RALYL: variants seen among roughly 807,000 people sequenced by gnomAD.
The protein encoded by RALYL is RNA-binding Raly-like protein.
Under a neutral mutation model 35.1 loss-of-function variants are expected in RALYL, and 29 were observed. That is an observed-to-expected ratio of 0.83 (90% CI 0.61 to 1.13). The LOEUF (loss-of-function observed/expected upper bound fraction) is 1.13, where lower values mean the gene tolerates loss of function less well. Ranked by LOEUF, RALYL falls within the 50% of genes most tolerant of loss-of-function variation. RALYL has a pLI of 0.00. For synonymous variants in RALYL, 120 were observed against 127.6 expected, an observed-to-expected ratio of 0.94 and a Z score of 0.40; for missense variants, 359 against 360.4, an observed-to-expected ratio of 1.00 and a Z score of 0.03.
chr8:84,621,149 C>T (rs1048191900), intron 2 of RALYL, among the ~76,000 whole-genome samples: 6 of 152,320 alleles, frequency 3.9e-5, no homozygotes, highest in South Asian at 2.1e-4. Context: ...CTCTGTTTAC[C>T]TAAGCACGCC....
intron 2 of RALYL, among the ~76,000 whole-genome samples, chr8:84,666,866 G>T (rs907470990): frequency 6.6e-6 from 1 of 152,192 alleles, no homozygotes; most frequent in Middle Eastern, 3.4e-3. Context: ...CATTCAGTGA[G>T]CACCTATTAT....
intron 4 of RALYL, among the ~76,000 whole-genome samples, chr8:84,827,747 T>C (rs1164114364): frequency 6.6e-6 from 1 of 152,082 alleles, no homozygotes; most frequent in African/African-American, 2.4e-5. Context: ...ATGAAAATGT[T>C]ATTCAGAAGA....
At chr8:84,309,872 C>G (rs1842444304) in intron 1 of RALYL, among the ~76,000 whole-genome samples, 1 of 152,044 alleles carries the variant, frequency 6.6e-6, no homozygotes, top group Non-Finnish European at 1.5e-5. Flanking sequence ...ACTGCAACCC[C>G]CGCCACCACG....
chr8:84,679,839 C>A, intron 2 of RALYL: 1 of 384,670 alleles, frequency 2.6e-6, no homozygotes, highest in African/African-American at 2.1e-5. Flanking sequence ...AGACTCACAT[C>A]TTTATTTTTT....
intron 2 of RALYL, among the ~76,000 whole-genome samples, chr8:84,552,709 T>C (rs2060830284): frequency 6.6e-6 from 1 of 151,790 alleles, no homozygotes; most frequent in African/African-American, 2.4e-5. Context: ...GTTTCCTAAT[T>C]AGACCCCTTT....
Position 84,627,531 on chromosome 8 carries a change from TCTTTCTTCCTGCAGAAGAAAGAAACA to T in RALYL, c.256+97966_256+97991del, listed in dbSNP as rs545634896. Among the ~76,000 whole-genome samples the T allele has an allele frequency of 2.8e-4, 42 of 150,656 alleles. No individual in the cohort carries two copies. In the South Asian group the frequency reaches 6.8e-3, roughly 24 times the overall value. ...GGGTCTCTTTAATACATACAGCATT[TCTTTCTTCCTGCAGAAGAAAGAAACA>T]CTTTCTTCCTGTGTTCTCCTAGATT... is the stretch of plus-strand genomic sequence containing the variant. On this transcript the variant is annotated intron_variant, in intron 2 of 8. Transcript: ENST00000521268.
intron 1 of RALYL, among the ~76,000 whole-genome samples, chr8:84,413,258 T>C (rs2044277725): frequency 1.3e-5 from 2 of 151,602 alleles, no homozygotes; most frequent in Non-Finnish European, 3.0e-5. Context: ...TTTTTAAAGC[T>C]TTAATATTTT....
chr8:84,485,936 A>C (rs2054563865), intron 1 of RALYL, among the ~76,000 whole-genome samples: 1 of 151,844 alleles, frequency 6.6e-6, no homozygotes, highest in Non-Finnish European at 1.5e-5. Context: ...GATTCTCAAG[A>C]AAGTTGCCAG....
chr8:84,262,171 ATTAATT>A (rs1233598636), intron 1 of RALYL, among the ~76,000 whole-genome samples: 3 of 152,152 alleles, frequency 2.0e-5, no homozygotes, highest in African/African-American at 7.2e-5. Flanking sequence ...GGTAGATGTT[ATTAATT>A]TTAGTGTTTA....
intron 1 of RALYL, among the ~76,000 whole-genome samples, chr8:84,384,210 GA>G (rs2131644814): frequency 6.6e-6 from 1 of 151,666 alleles, no homozygotes; most frequent in African/African-American, 2.4e-5. Flanking sequence ...TTAAAATGGG[GA>G]TAACACTTGC....
chr8:84,506,931 CA>C (rs1175892096), intron 1 of RALYL, among the ~76,000 whole-genome samples: 1 of 152,030 alleles, frequency 6.6e-6, no homozygotes, highest in South Asian at 2.1e-4. Flanking sequence ...TGTCACGGCA[CA>C]GCCCAATTTA....
chr8:84,550,167 A>G (rs771690820), intron 2 of RALYL, among the ~76,000 whole-genome samples: 3 of 152,068 alleles, frequency 2.0e-5, no homozygotes, highest in African/African-American at 4.8e-5. Context: ...ATTGAGAGCA[A>G]ACATTTCTCT....
chr8:84,514,111 A>T (rs1180611287), intron 1 of RALYL, among the ~76,000 whole-genome samples: 6 of 140,624 alleles, frequency 4.3e-5, no homozygotes, highest in African/African-American at 1.3e-4. Context: ...AAAAAAAAAA[A>T]AAAAGAAAGA....
rs553450507 is a variant in RALYL at position 84,503,169 on chromosome 8, A to G, written c.-23-26130A>G. Among the ~76,000 whole-genome samples, 3 of 152,108 alleles carry G rather than the reference A, an allele frequency of 2.0e-5. No homozygotes were observed. The East Asian group carries it at 5.8e-4, about 29-fold the overall frequency. The stretch of plus-strand genomic sequence containing the variant: ...TACTTTTCTTTCTCTTTTTTTAGAG[A>G]CAGGATCTAGCTGTGTTACCCAAGC... On this transcript the variant is annotated intron_variant, in intron 1 of 8. Transcript: ENST00000521268.
chr8:84,650,891 C>A (rs1370664011), intron 2 of RALYL, among the ~76,000 whole-genome samples: 1 of 152,014 alleles, frequency 6.6e-6, no homozygotes, highest in African/African-American at 2.4e-5. Flanking sequence ...ACTATGCAGC[C>A]ATAAAAATGA....
At chr8:84,530,532 G>A (rs1312213811) in intron 2 of RALYL, among the ~76,000 whole-genome samples, 1 of 150,748 alleles carries the variant, frequency 6.6e-6, no homozygotes, top group Non-Finnish European at 1.5e-5. Context: ...CCATCATCAA[G>A]TTCGCTTGTC....
chr8:84,375,965 G>A (rs1026180977), intron 1 of RALYL, among the ~76,000 whole-genome samples: 1 of 151,948 alleles, frequency 6.6e-6, no homozygotes, highest in Middle Eastern at 3.4e-3. Context: ...CAAATAAGCA[G>A]AATAGAATGA....
intron 2 of RALYL, among the ~76,000 whole-genome samples, chr8:84,759,832 C>T (rs777867396): frequency 1.3e-5 from 2 of 152,144 alleles, no homozygotes; most frequent in African/African-American, 4.8e-5. Context: ...GATACTGTTA[C>T]GTATCTGTGA....
intron 2 of RALYL, among the ~76,000 whole-genome samples, chr8:84,717,131 G>A (rs1843069008): frequency 6.6e-6 from 1 of 152,126 alleles, no homozygotes; most frequent in Non-Finnish European, 1.5e-5. Context: ...AGGTTGCAGT[G>A]AGCCGAGATC....
Sources: allele counts gnomAD v4.1 joint callset (sites outside exome capture counted in the v4.1 genomes callset), GRCh38; gene constraint gnomAD v4.1.1; transcripts MANE v1.5; gene names NCBI Gene and HGNC (gene_info 2026-07-23, HGNC 2026-07-21).